The following UNC79 variants were observed in gnomAD, a reference collection of about 807,000 sequenced individuals.
UNC79 encodes protein unc-79 homolog.
UNC79 carries 37 observed loss-of-function variants against 283.1 expected under a neutral mutation model. The observed-to-expected ratio is 0.13, with a 90% CI of 0.10 to 0.17. The LOEUF (loss-of-function observed/expected upper bound fraction) is 0.17. UNC79 is among the 10% of genes least tolerant of loss of function. The pLI, the probability that UNC79 is intolerant of heterozygous loss-of-function variation, is 1.00. For synonymous variants in UNC79, 1,107 were observed against 1,200.2 expected (o/e 0.92, Z 1.61); for missense variants, 2,272 against 3,211.1 (o/e 0.71, Z 7.07).
chr14:93,596,461 C>G (rs1348654214), intron 23 of UNC79, among the ~76,000 whole-genome samples: 1 of 152,122 alleles, frequency 6.6e-6, no homozygotes, highest in East Asian at 1.9e-4. Context: ...ATGGTGAAAC[C>G]CTGTCTCTAC....
At chr14:93,341,432 G>A (rs1044952606) in intron 1 of UNC79, among the ~76,000 whole-genome samples, 4 of 151,766 alleles carry the variant, frequency 2.6e-5, no homozygotes, top group South Asian at 4.2e-4. Flanking sequence ...ACTCCAGCCT[G>A]GGCAACAACT....
rs930971189 is a variant in UNC79, at chr14:93,465,760, C to T, written c.23-1911C>T. ...TGTCCATACCCTGTACTATTATCAA[C>T]TCCTTTACTTAGGTGATGGAATGAT... On this transcript the variant is annotated intron_variant, in intron 1 of 48. Coordinates refer to ENST00000555664, the Ensembl canonical transcript of UNC79. Among the ~76,000 whole-genome samples, 8 of 152,268 alleles carry T rather than the reference C, an allele frequency of 5.3e-5. No homozygotes were observed. The East Asian group carries it at 7.7e-4, about 15-fold the overall frequency.
At chr14:93,401,035 G>C (rs1489937127) in intron 1 of UNC79, among the ~76,000 whole-genome samples, 1 of 152,140 alleles carries the variant, frequency 6.6e-6, no homozygotes, top group Non-Finnish European at 1.5e-5. Context: ...ATGGGGATAG[G>C]AAAATAGTGC....
chr14:93,353,565 C>T (rs1303877807), intron 1 of UNC79, among the ~76,000 whole-genome samples: 2 of 152,190 alleles, frequency 1.3e-5, no homozygotes, highest in African/African-American at 4.8e-5. Context: ...TACTTGTTTA[C>T]TCCCATATCA....
rs2074396783 is a variant in UNC79, at chr14:93,688,159, A to G, written c.6910-506A>G. On this transcript the variant is annotated intron_variant, in intron 43 of 48. Coordinates refer to ENST00000555664, the Ensembl canonical transcript of UNC79. This position sits in a 1 kb window ranked among gnomAD's most constrained non-coding sequence, Gnocchi z 4.0. ...TGCTGTGATGAGCAAAAGCGGACAC[A>G]GTAGCTGCTCTCATTTAATTTATAG... Among the ~76,000 whole-genome samples the G allele has an allele frequency of 6.6e-6, 1 of 152,224 alleles. No homozygotes were observed. The highest frequency in any genetic ancestry group is 2.4e-5 in the African/African-American group (1 of 41,458).
At chr14:93,686,855 C>G (rs939367772) in intron 43 of UNC79, among the ~76,000 whole-genome samples, 194 bp downstream of exon 46, 2 of 152,198 alleles carry the variant, frequency 1.3e-5, no homozygotes, top group African/African-American at 4.8e-5. Flanking sequence ...AAAGGACATT[C>G]ACATGGCATC....
At chr14:93,347,358 C>T (rs61759493) in intron 1 of UNC79, 16 of 1,586,246 alleles carry the variant, frequency 1.0e-5, no homozygotes, top group Non-Finnish European at 1.4e-5. Flanking sequence ...GCTTCGCCCA[C>T]TCGGGGCCCC....
chr14:93,336,987 G>A (rs962406900), intron 1 of UNC79, among the ~76,000 whole-genome samples: 29 of 152,260 alleles, frequency 1.9e-4, no homozygotes, highest in African/African-American at 7.0e-4. Context: ...AGGTTCCTAG[G>A]TGGGAAGGGG....
chr14:93,460,506 CAAAA>C (rs33915324), intron 1 of UNC79, among the ~76,000 whole-genome samples: 2,305 of 103,262 alleles, frequency 0.022, 25 homozygotes, highest in Middle Eastern at 0.049. Context: ...CAAGACTTCT[CAAAA>C]AAAAAAAAAA....
intron 1 of UNC79, among the ~76,000 whole-genome samples, chr14:93,449,733 G>A (rs1277578618): frequency 2.0e-5 from 3 of 152,042 alleles, no homozygotes; most frequent in Non-Finnish European, 4.4e-5. Flanking sequence ...TTGCTCTTCA[G>A]TTTTTTTGAA....
chr14:93,595,145 A>G (rs558799677), intron 23 of UNC79, among the ~76,000 whole-genome samples: 2 of 150,948 alleles, frequency 1.3e-5, no homozygotes, highest in South Asian at 2.1e-4. Flanking sequence ...GCTGGAGTGC[A>G]GTGGAGTGAT....
At chr14:93,683,498 C>G (rs1595058347) in intron 42 of UNC79, among the ~76,000 whole-genome samples, 1 of 152,260 alleles carries the variant, frequency 6.6e-6, no homozygotes, top group Admixed American at 6.5e-5. Flanking sequence ...TAGTTGTGGG[C>G]CAAGGAAGAA....
At chr14:93,480,472 T>C (rs1182864732) in intron 4 of UNC79, among the ~76,000 whole-genome samples, 1 of 152,214 alleles carries the variant, frequency 6.6e-6, no homozygotes, top group Non-Finnish European at 1.5e-5. Flanking sequence ...TTTGTTGCTC[T>C]GGTTTTAGTC....
intron 35 of UNC79, among the ~76,000 whole-genome samples, chr14:93,653,494 C>T (rs1311860368): frequency 2.0e-5 from 3 of 152,136 alleles, no homozygotes; most frequent in African/African-American, 7.2e-5. Flanking sequence ...ATCTCATAAC[C>T]TTCCTGAGTC....
chr14:93,419,259 C>T (rs569821023), intron 1 of UNC79, among the ~76,000 whole-genome samples: 1 of 151,084 alleles, frequency 6.6e-6, no homozygotes, highest in Non-Finnish European at 1.5e-5. Context: ...ACCTCCACTT[C>T]CCAGGTTCAA....
intron 14 of UNC79, among the ~76,000 whole-genome samples, chr14:93,550,845 T>C (rs2061856071): frequency 6.6e-6 from 1 of 152,046 alleles, no homozygotes; most frequent in Admixed American, 6.5e-5. Flanking sequence ...ATAATGTATA[T>C]ACATATGTTA....
intron 15 of UNC79, 128 bp from the exon 16 acceptor site, chr14:93,572,565 G>A (rs1595907326): frequency 2.2e-6 from 3 of 1,346,852 alleles, no homozygotes; most frequent in East Asian, 4.7e-5. Context: ...GCTGATAACA[G>A]TTCAGAATAC....
intron 1 of UNC79, among the ~76,000 whole-genome samples, chr14:93,446,113 T>C (rs1317982430): frequency 6.6e-6 from 1 of 152,168 alleles, no homozygotes; most frequent in African/African-American, 2.4e-5. Flanking sequence ...TCCTATTTTA[T>C]TGATTTTTGT....
intron 1 of UNC79, among the ~76,000 whole-genome samples, chr14:93,352,421 A>G (rs1280284092): frequency 1.3e-5 from 2 of 152,214 alleles, no homozygotes; most frequent in African/African-American, 4.8e-5. Flanking sequence ...TTTTCCATAG[A>G]ACTTTAGCAC....
Sources: allele counts gnomAD v4.1 joint callset (sites outside exome capture counted in the v4.1 genomes callset), GRCh38; gene constraint gnomAD v4.1.1; non-coding constraint Gnocchi (gnomAD v3.1); transcripts MANE v1.5; gene names NCBI Gene and HGNC (gene_info 2026-07-23, HGNC 2026-07-21).